The following KIF17 variants were observed in gnomAD, a reference collection of about 807,000 sequenced individuals.
KIF17 encodes the protein kinesin family member 17.
A neutral mutation model predicts 96.8 loss-of-function variants in KIF17; 80 were observed. The ratio of observed to expected loss-of-function variants is 0.83; its 90% CI spans 0.69 to 1.00. The LOEUF is 1.00. Ranked by LOEUF, KIF17 falls within the 50% of genes least tolerant of loss-of-function variation. The pLI, the probability that KIF17 is intolerant of heterozygous loss-of-function variation, is 0.00. For missense variants in KIF17, 1,280 were observed against 1,372.9 expected (o/e 0.93, Z 1.07); for synonymous variants, 567 against 587.5 (o/e 0.97, Z 0.51).
rs71585778 is a variant in KIF17 at position 20,669,537 on chromosome 1, A to AAATAATAATAATAATAAT, written c.2790+866_2790+883dup. 2.8e-4 allele frequency among the ~76,000 whole-genome samples: 34 copies of AAATAATAATAATAATAAT among 121,122 alleles called. 1 individual carries two copies. The highest frequency in any genetic ancestry group is 1.0e-3 in the African/African-American group (32 of 30,870). The allele number at this position is 121,122 out of a possible 152,430, so 79.5% of individuals were successfully genotyped here. On this transcript the variant is annotated intron_variant, in intron 13 of 14. Transcript: ENST00000400463. ...GGCGACAGAGCGAGACTCTGTCTCG[A>AAATAATAATAATAATAAT]AATAATAATAATAATAATAATAATA...
In KIF17 at chr1:20,690,352, G is replaced by GCTGCA; in HGVS notation, c.1234-18_1234-17insTGCAG. On this transcript the variant is annotated splice_polypyrimidine_tract_variant and intron_variant, in intron 6 of 14. Coordinates refer to ENST00000400463, the MANE Select transcript of KIF17 (RefSeq NM_001122819.3). ...TTCATACTCCTGGGGGGGTGGGAGG[G>GCTGCA]ACCAGAGGGCAGGCAGCATTTTATC... 4.4e-6 allele frequency: 2 copies of GCTGCA among 451,168 alleles called. No individual in the cohort carries two copies. The highest frequency in any genetic ancestry group is 6.0e-5 in the East Asian group (1 of 16,748). The allele number at this position is 451,168 out of a possible 1,614,324, so 27.9% of individuals were successfully genotyped here. A position where few individuals can be genotyped will look rare whatever the true frequency, so the allele number is the denominator to read the frequency against.
chr1:20,662,908 A>G (rs1000492454), downstream of KIF17, among the ~76,000 whole-genome samples: 1 of 152,180 alleles, frequency 6.6e-6, no homozygotes, highest in Non-Finnish European at 1.5e-5. Flanking sequence ...TGCTCCCTTC[A>G]GAAAGGCACT....
At chr1:20,680,215 C>G (rs936579936) in intron 11 of KIF17, among the ~76,000 whole-genome samples, 2 of 152,182 alleles carry the variant, frequency 1.3e-5, no homozygotes, top group African/African-American at 4.8e-5. Context: ...ATGAAGAAAA[C>G]TAAGATACCA....
At chr1:20,666,130 C>T (rs113915008) in intron 14 of KIF17, 84 bp downstream of exon 14, 3 of 1,063,756 alleles carry the variant, frequency 2.8e-6, no homozygotes, top group Non-Finnish European at 2.9e-6. Flanking sequence ...GTTTTTGAAC[C>T]CAGGCCTGTC....
Position 20,672,239 on chromosome 1 carries a change from T to A in KIF17, c.2464-43A>T. 1.2e-6 allele frequency: 2 copies of A among 1,609,092 alleles called. No individual in the cohort carries two copies. The highest frequency in any genetic ancestry group is 1.7e-6 in the Non-Finnish European group (2 of 1,178,758). On this transcript the variant is annotated intron_variant, in intron 11 of 14. Transcript: ENST00000400463. This position sits in a 1 kb window ranked among gnomAD's most constrained non-coding sequence, Gnocchi z 4.3. Reference sequence around the variant, plus strand: ...CAAGCAGTGAGCAGGGAAAGATACCTCCCCTTCCATCTAACCACCCTGTCC... The same window carrying A: ...CAAGCAGTGAGCAGGGAAAGATACCACCCCTTCCATCTAACCACCCTGTCC...
chr1:20,677,948 G>A (rs943652009), intron 11 of KIF17, among the ~76,000 whole-genome samples: 16 of 152,360 alleles, frequency 1.1e-4, no homozygotes, highest in African/African-American at 3.4e-4. Flanking sequence ...GTAGAAGAAA[G>A]CGTGCACTAG....
At chr1:20,670,304 A>T in intron 13 of KIF17, 117 bp downstream of exon 13, 1 of 1,021,110 alleles carries the variant, frequency 9.8e-7, no homozygotes, top group Non-Finnish European at 1.5e-6. Flanking sequence ...CCCCTTCTTT[A>T]ATCCTTAGGC....
At chr1:20,663,202 G>A (rs2053467910), downstream of KIF17, among the ~76,000 whole-genome samples, 1 of 152,052 alleles carries the variant, frequency 6.6e-6, no homozygotes, top group Admixed American at 6.6e-5. Flanking sequence ...CTCCAGCCTG[G>A]GTGACAGAGC....
At chr1:20,710,283 A>G (rs1299259205) in intron 3 of KIF17, among the ~76,000 whole-genome samples, 1 of 152,290 alleles carries the variant, frequency 6.6e-6, no homozygotes, top group East Asian at 1.9e-4. Flanking sequence ...GTCGTCACCC[A>G]TGAGCCCTGA....
At chr1:20,711,703 G>C (rs1333112532) in intron 3 of KIF17, among the ~76,000 whole-genome samples, 1 of 152,144 alleles carries the variant, frequency 6.6e-6, no homozygotes, top group Admixed American at 6.6e-5. Flanking sequence ...ATAGAACTCT[G>C]CTTCCCCAAA....
downstream of KIF17, chr1:20,663,981 A>T (rs572344458): frequency 1.2e-5 from 2 of 161,516 alleles, no homozygotes; most frequent in Admixed American, 1.1e-4. Flanking sequence ...AGGGGCCCCA[A>T]GTGACACTGT....
intron 8 of KIF17, 75 bp from the exon 9 acceptor site, chr1:20,686,201 G>T: frequency 7.6e-7 from 1 of 1,316,060 alleles, no homozygotes; most frequent in Non-Finnish European, 1.1e-6. Context: ...CTCACCCCTG[G>T]CCTCACTTCA....
chr1:20,715,904 C>T (rs774350795), intron 1 of KIF17, among the ~76,000 whole-genome samples: 2 of 152,206 alleles, frequency 1.3e-5, no homozygotes, highest in South Asian at 2.1e-4. Context: ...CTTTACTGAC[C>T]GTGTGCCCTT....
At chr1:20,665,219 CTTTTTTTTTTTT>C (rs59635021) in intron 14 of KIF17, among the ~76,000 whole-genome samples, 1 of 61,258 alleles carries the variant, frequency 1.6e-5, no homozygotes, top group East Asian at 4.9e-4. Context: ...CAAATTTGCT[CTTTTTTTTTTTT>C]TTTTTTTTTT....
intron 3 of KIF17, among the ~76,000 whole-genome samples, chr1:20,710,563 G>A (rs866968341): frequency 6.6e-6 from 1 of 151,888 alleles, no homozygotes. Flanking sequence ...AGTGTGAGAG[G>A]AAATAAAACC....
Position 20,713,433 on chromosome 1 carries a change from C to A in KIF17, c.480+21G>T, listed in dbSNP as rs761825383. 2.5e-6 allele frequency: 4 copies of A among 1,589,600 alleles called. No individual in the cohort carries two copies. The African/African-American group carries it at 5.4e-5, about 21-fold the overall frequency. On this transcript the variant is annotated intron_variant, in intron 3 of 14. Transcript: ENST00000400463. Reference sequence around the variant, plus strand: ...CCTCCCCCCTACCAGCCCCACCTGCCCACAATGGGTCTGCACCCACCTCCA... The same window carrying A: ...CCTCCCCCCTACCAGCCCCACCTGCACACAATGGGTCTGCACCCACCTCCA...
intron 1 of KIF17, 28 bp downstream of exon 1, chr1:20,717,448 T>G (rs768560802): frequency 2.0e-5 from 32 of 1,607,586 alleles, no homozygotes; most frequent in African/African-American, 6.7e-5. Flanking sequence ...CCCTGCCGCC[T>G]GCAGGGCGGC....
rs1260236709 is a variant in KIF17, at chr1:20,671,821, G to A, written c.2722+117C>T. On this transcript the variant is annotated intron_variant, in intron 12 of 14. Coordinates refer to ENST00000400463, the MANE Select transcript of KIF17 (RefSeq NM_001122819.3). ...GAGTCCTGACGCATCAGGTACCCAGGGTCACGTGTCTTCTACACCCACAGC... is the reference window on the plus strand; with the variant it reads ...GAGTCCTGACGCATCAGGTACCCAGAGTCACGTGTCTTCTACACCCACAGC... 10 of 1,253,724 alleles carry A rather than the reference G, an allele frequency of 8.0e-6. 1 individual carries two copies. In the Admixed American group the frequency reaches 1.9e-4, roughly 24 times the overall value. The allele number at this position is 1,253,724 out of a possible 1,614,324, so 77.7% of individuals were successfully genotyped here. A position where few individuals can be genotyped will look rare whatever the true frequency, so the allele number is the denominator to read the frequency against.
At chr1:20,681,909 A>G (rs2053836201) in intron 11 of KIF17, among the ~76,000 whole-genome samples, 1 of 152,134 alleles carries the variant, frequency 6.6e-6, no homozygotes, top group Admixed American at 6.5e-5. Context: ...TGCTCGTTTC[A>G]TGGGCATGCT....
Sources: allele counts gnomAD v4.1 joint callset (sites outside exome capture counted in the v4.1 genomes callset), GRCh38; gene constraint gnomAD v4.1.1; non-coding constraint Gnocchi (gnomAD v3.1); transcripts MANE v1.5; gene names NCBI Gene and HGNC (gene_info 2026-07-23, HGNC 2026-07-21).